Variants in CERS6 observed in about 807,000 individuals in gnomAD.
CERS6 encodes the protein ceramide synthase 6.
CERS6 carries 26 observed loss-of-function variants against 56.8 expected under a neutral mutation model. That is an observed-to-expected ratio of 0.46 (90% CI 0.34 to 0.63). CERS6 has a LOEUF of 0.63. Among genes scored for constraint, CERS6 ranks in the 30% least tolerant of loss-of-function variants. The probability of loss-of-function intolerance (pLI) is 0.01; values close to 1 mark genes in which losing one functional copy is unlikely to be tolerated. For missense variants in CERS6, 415 were observed against 467.5 expected, an observed-to-expected ratio of 0.89 and a Z score of 1.04; for synonymous variants, 164 against 173.3, an observed-to-expected ratio of 0.95 and a Z score of 0.42.
intron 4 of CERS6, among the ~76,000 whole-genome samples, chr2:168,671,884 G>A (rs1370395257): frequency 2.0e-5 from 3 of 152,046 alleles, no homozygotes; most frequent in African/African-American, 4.8e-5. Flanking sequence ...ATATTTTTAT[G>A]GTGGCAAAAC....
Position 168,586,322 on chromosome 2 carries a change from G to A in CERS6, c.407+25000G>A, listed in dbSNP as rs77804455. Among the ~76,000 whole-genome samples the A allele has an allele frequency of 4.5e-3, 679 of 151,504 alleles. 7 individuals carry two copies. The highest frequency in any genetic ancestry group is 0.015 in the African/African-American group (629 of 41,294). The stretch of plus-strand genomic sequence containing the variant: ...TAAAGAAAATCAGTACTAAAACAAC[G>A]TTTCTTTCCTTTGCCCATTATAAAA... On this transcript the variant is annotated intron_variant, in intron 3 of 9. Transcript: ENST00000305747.
At chr2:168,697,314 C>T (rs146106136) in intron 6 of CERS6, among the ~76,000 whole-genome samples, 306 of 152,260 alleles carry the variant, frequency 2.0e-3, no homozygotes, top group Non-Finnish European at 3.2e-3. Context: ...CCCAACACTC[C>T]GAGTTGGTTT....
At chr2:168,515,690 T>C (rs1363319701) in intron 1 of CERS6, among the ~76,000 whole-genome samples, 1 of 152,250 alleles carries the variant, frequency 6.6e-6, no homozygotes, top group Non-Finnish European at 1.5e-5. Flanking sequence ...ACAGAAGGAA[T>C]GCGGTATTTT....
chr2:168,571,643 G>A (rs963823204), intron 3 of CERS6, among the ~76,000 whole-genome samples: 1 of 152,062 alleles, frequency 6.6e-6, no homozygotes, highest in Non-Finnish European at 1.5e-5. Flanking sequence ...AAAGCAATTG[G>A]AGCCAACTAC....
At chr2:168,655,100 G>A (rs1202902571) in intron 4 of CERS6, among the ~76,000 whole-genome samples, 1 of 152,128 alleles carries the variant, frequency 6.6e-6, no homozygotes, top group Non-Finnish European at 1.5e-5. Context: ...TTTATCCAAA[G>A]AAGACATAAA....
At chr2:168,646,494 T>C (rs1574126349) in intron 4 of CERS6, among the ~76,000 whole-genome samples, 1 of 152,222 alleles carries the variant, frequency 6.6e-6, no homozygotes, top group Non-Finnish European at 1.5e-5. Context: ...AGGTTGTTTG[T>C]TTACTCTGCT....
intron 3 of CERS6, among the ~76,000 whole-genome samples, chr2:168,577,416 G>A (rs1574076581): frequency 6.6e-6 from 1 of 152,188 alleles, no homozygotes; most frequent in Admixed American, 6.5e-5. Flanking sequence ...GGGAACTCTC[G>A]AGAGGTTTGT....
At chr2:168,620,067 TTATA>T (rs977567354) in intron 3 of CERS6, among the ~76,000 whole-genome samples, 2 of 72,242 alleles carry the variant, frequency 2.8e-5, no homozygotes, top group African/African-American at 9.1e-5. Flanking sequence ...ACACACATAT[TTATA>T]TATATATGAT....
intron 8 of CERS6, among the ~76,000 whole-genome samples, chr2:168,758,068 C>T (rs1353617395): frequency 5.3e-5 from 8 of 152,198 alleles, no homozygotes; most frequent in South Asian, 4.1e-4. Flanking sequence ...TTTTTTTGTT[C>T]GGAGTGAATT....
At chr2:168,763,541 C>T (rs962310024) in intron 8 of CERS6, among the ~76,000 whole-genome samples, 1 of 152,116 alleles carries the variant, frequency 6.6e-6, no homozygotes, top group Admixed American at 6.5e-5. Flanking sequence ...GGATTACAGG[C>T]GTGAGCCATC....
chr2:168,597,663 G>C (rs1015402743), intron 3 of CERS6, among the ~76,000 whole-genome samples: 1 of 151,884 alleles, frequency 6.6e-6, no homozygotes, highest in Admixed American at 6.6e-5. Context: ...AATATTCTGG[G>C]GCCACCTTGA....
intron 4 of CERS6, among the ~76,000 whole-genome samples, chr2:168,681,283 C>G (rs940384144): frequency 6.6e-6 from 1 of 152,168 alleles, no homozygotes; most frequent in Admixed American, 6.5e-5. Context: ...ATTCTACTTT[C>G]TCTTAATTGG....
chr2:168,755,417 G>A (rs1684387831), intron 8 of CERS6, among the ~76,000 whole-genome samples: 1 of 152,128 alleles, frequency 6.6e-6, no homozygotes, highest in African/African-American at 2.4e-5. Flanking sequence ...AAATCTCCAT[G>A]TGTGTGACTC....
At chr2:168,624,745 A>T (rs879412606) in intron 3 of CERS6, among the ~76,000 whole-genome samples, 1 of 152,188 alleles carries the variant, frequency 6.6e-6, no homozygotes, top group African/African-American at 2.4e-5. Context: ...CGGAAACCTC[A>T]TTGGAAGGTT....
intron 4 of CERS6, among the ~76,000 whole-genome samples, chr2:168,687,044 T>A (rs1450494314): frequency 1.3e-5 from 2 of 152,294 alleles, no homozygotes; most frequent in Admixed American, 6.5e-5. Context: ...CAGTTTTCAT[T>A]ATCTCCCTTC....
At chr2:168,726,737 G>A (rs917426933) in intron 8 of CERS6, among the ~76,000 whole-genome samples, 1 of 152,090 alleles carries the variant, frequency 6.6e-6, no homozygotes, top group Non-Finnish European at 1.5e-5. Flanking sequence ...TAAATATTAG[G>A]CATTTTTCAA....
chr2:168,670,818 G>C (rs1685888716), intron 4 of CERS6, among the ~76,000 whole-genome samples: 1 of 151,986 alleles, frequency 6.6e-6, no homozygotes, highest in African/African-American at 2.4e-5. Flanking sequence ...GTGTATTTTT[G>C]CTTATTTCTC....
chr2:168,550,802 A>G (rs1275064508), intron 2 of CERS6, among the ~76,000 whole-genome samples: 1 of 152,114 alleles, frequency 6.6e-6, no homozygotes, highest in Non-Finnish European at 1.5e-5. Context: ...GTCGCCCACC[A>G]CATGCACTGG....
intron 1 of CERS6, among the ~76,000 whole-genome samples, chr2:168,535,339 G>A (rs945710147): frequency 2.0e-5 from 3 of 152,202 alleles, no homozygotes; most frequent in Non-Finnish European, 2.9e-5. Context: ...GGTGGAATGC[G>A]TTCACGAGTG....
Sources: gnomAD v4.1 joint callset for allele counts (sites outside exome capture counted in the v4.1 genomes callset) on GRCh38, gnomAD v4.1.1 for gene constraint, MANE v1.5 for transcripts, NCBI Gene and HGNC (gene_info 2026-07-23, HGNC 2026-07-21) for gene names.